The following FOXP1 variants were observed in gnomAD, a reference collection of about 807,000 sequenced individuals.
FOXP1 encodes forkhead box P1.
Under a neutral mutation model 98.2 loss-of-function variants are expected in FOXP1, and 15 were observed. That is an observed-to-expected ratio of 0.15 (90% confidence interval 0.10 to 0.24). The LOEUF (loss-of-function observed/expected upper bound fraction) is 0.24, where lower values mean the gene tolerates loss of function less well. FOXP1 is among the 10% of genes least tolerant of loss of function. FOXP1 has a pLI of 1.00. For missense variants in FOXP1, 633 were observed against 848.5 expected (o/e 0.75, Z 3.15); for synonymous variants, 371 against 314.5 (o/e 1.18, Z -1.90).
At position 71,581,599 on chromosome 3, in the gene FOXP1, A is replaced by C. The variant is rs1340492542; in HGVS notation, c.-348T>G. ...AGCGCCGCCTTCACGCCCGCGGAGG[A>C]GGCGCCGGCAGCACCATGGTCCCCG... On this transcript the variant is annotated 5_prime_UTR_variant, in exon 2 of 21. Coordinates refer to ENST00000649528, the MANE Select transcript of FOXP1 (RefSeq NM_001349338.3). 21 of 985,588 alleles carry C rather than the reference A, an allele frequency of 2.1e-5. No homozygotes were observed. The highest frequency in any genetic ancestry group is 2.4e-5 in the Non-Finnish European group (20 of 830,014). 61.1% of individuals were successfully genotyped at this position (985,588 alleles called of 1,614,324 possible).
At chr3:71,371,293 G>A (rs991440136) in intron 3 of FOXP1, among the ~76,000 whole-genome samples, 11 of 152,138 alleles carry the variant, frequency 7.2e-5, no homozygotes, top group African/African-American at 2.7e-4. Flanking sequence ...ATTTCACCAG[G>A]GCCAGCTGAG....
rs571479833 is a variant in FOXP1, at chr3:71,255,302, T to C, written c.-12+44518A>G. 1.8e-4 allele frequency among the ~76,000 whole-genome samples: 28 copies of C among 152,270 alleles called. 1 individual carries two copies. Among genetic ancestry groups the C allele is most frequent in the Admixed American group, 1.6e-3 (24 of 15,298 alleles). ...GCCCGTTAGCCTTACACTGTCCCCA[T>C]GTGCAACATAGAAGTAAATGCAACT... On this transcript the variant is annotated intron_variant, in intron 5 of 20. Coordinates refer to ENST00000649528, the MANE Select transcript of FOXP1 (RefSeq NM_001349338.3).
chr3:71,163,478 G>C (rs1314335394), intron 6 of FOXP1, among the ~76,000 whole-genome samples: 1 of 152,144 alleles, frequency 6.6e-6, no homozygotes. Context: ...CTGTATATAA[G>C]CTTTCCTCCA....
chr3:71,268,033 A>C (rs2069883673), intron 5 of FOXP1, among the ~76,000 whole-genome samples: 1 of 151,146 alleles, frequency 6.6e-6, no homozygotes, highest in Non-Finnish European at 1.5e-5. Flanking sequence ...AAAAAAAAAA[A>C]AGTCTGTGCT....
intron 3 of FOXP1, among the ~76,000 whole-genome samples, chr3:71,411,383 G>C (rs112937581): frequency 0.015 from 2,335 of 151,690 alleles, 65 homozygotes; most frequent in African/African-American, 0.053. Context: ...GGCGCGATAT[G>C]GGCTCACTGC....
intron 2 of FOXP1, among the ~76,000 whole-genome samples, chr3:71,520,462 C>T (rs1412685851): frequency 6.6e-6 from 1 of 152,190 alleles, no homozygotes; most frequent in Non-Finnish European, 1.5e-5. Flanking sequence ...ATGAGAACCA[C>T]TTGGCGGCTC....
intron 5 of FOXP1, among the ~76,000 whole-genome samples, chr3:71,233,438 T>C (rs1458524044): frequency 1.3e-5 from 2 of 152,044 alleles, no homozygotes; most frequent in East Asian, 1.9e-4. Flanking sequence ...TTGTTTTTGT[T>C]TTTTTGAGAT....
At chr3:71,486,441 C>CCATCAGAA (rs1321254011) in intron 3 of FOXP1, among the ~76,000 whole-genome samples, 2 of 152,178 alleles carry the variant, frequency 1.3e-5, no homozygotes, top group Admixed American at 6.5e-5. Context: ...CCAAAAGCCA[C>CCATCAGAA]CATCAGAACA....
intron 6 of FOXP1, among the ~76,000 whole-genome samples, chr3:71,184,168 C>A (rs1402622516): frequency 2.0e-5 from 3 of 151,934 alleles, no homozygotes; most frequent in African/African-American, 7.3e-5. Flanking sequence ...AACAAACAAA[C>A]AAAAAAGCCC....
At chr3:71,466,759 G>A (rs34222583) in intron 3 of FOXP1, among the ~76,000 whole-genome samples, 9,290 of 152,280 alleles carry the variant, frequency 0.061, 329 homozygotes, top group South Asian at 0.12. Flanking sequence ...CATCGGGAAG[G>A]TCACAAAGAG....
At chr3:71,326,326 C>T (rs373868317) in intron 4 of FOXP1, among the ~76,000 whole-genome samples, 6 of 152,164 alleles carry the variant, frequency 3.9e-5, no homozygotes, top group Admixed American at 6.5e-5. Flanking sequence ...CCAATGGGGA[C>T]TCAATGGGCA....
chr3:71,494,091 G>A (rs2091248555), intron 2 of FOXP1, among the ~76,000 whole-genome samples: 1 of 152,062 alleles, frequency 6.6e-6, no homozygotes, highest in Non-Finnish European at 1.5e-5. Context: ...TACATAAGGA[G>A]CAATACTCAT....
At chr3:71,404,829 G>A (rs950624941) in intron 3 of FOXP1, among the ~76,000 whole-genome samples, 1 of 152,180 alleles carries the variant, frequency 6.6e-6, no homozygotes, top group Non-Finnish European at 1.5e-5. Context: ...CTAATCAATA[G>A]TATCAACTGA....
chr3:71,248,738 C>A (rs1261721762), intron 5 of FOXP1, among the ~76,000 whole-genome samples: 1 of 62,646 alleles, frequency 1.6e-5, no homozygotes, highest in African/African-American at 7.1e-5. Flanking sequence ...AAGACGTCAT[C>A]TCAAAAAAAA....
intron 6 of FOXP1, among the ~76,000 whole-genome samples, chr3:71,115,090 T>C (rs1295407873): frequency 6.6e-6 from 1 of 151,868 alleles, no homozygotes; most frequent in East Asian, 1.9e-4. Flanking sequence ...CTCAGAGTAA[T>C]AGACTGATCA....
At chr3:71,450,684 T>A (rs982782016) in intron 3 of FOXP1, among the ~76,000 whole-genome samples, 1 of 152,226 alleles carries the variant, frequency 6.6e-6, no homozygotes, top group African/African-American at 2.4e-5. Context: ...CCTGTCTAAA[T>A]ACTGTTTCTT....
intron 6 of FOXP1, among the ~76,000 whole-genome samples, chr3:71,174,445 A>C (rs899471613): frequency 6.6e-6 from 1 of 152,140 alleles, no homozygotes; most frequent in Non-Finnish European, 1.5e-5. Flanking sequence ...AAACAAAGGA[A>C]ACCAGGAAAA....
intron 6 of FOXP1, among the ~76,000 whole-genome samples, chr3:71,168,992 G>C (rs574968959): frequency 2.2e-4 from 34 of 152,300 alleles, no homozygotes; most frequent in African/African-American, 8.2e-4. Flanking sequence ...TGGGAGGAGA[G>C]CGTAAAACTC....
At chr3:71,301,631 A>G (rs2073853252) in intron 4 of FOXP1, among the ~76,000 whole-genome samples, 1 of 152,192 alleles carries the variant, frequency 6.6e-6, no homozygotes, top group Non-Finnish European at 1.5e-5. Flanking sequence ...TTTGGCAGTC[A>G]GACCTATAGT....
Sources: allele counts gnomAD v4.1 joint callset (sites outside exome capture counted in the v4.1 genomes callset), GRCh38; gene constraint gnomAD v4.1.1; transcripts MANE v1.5; gene names NCBI Gene and HGNC (gene_info 2026-07-23, HGNC 2026-07-21).